MRPL20: variants seen among roughly 807,000 people sequenced by gnomAD.
The protein encoded by MRPL20 is mitochondrial ribosomal protein L20.
MRPL20 carries 21 observed loss-of-function variants against 20.0 expected under a neutral mutation model. That is an observed-to-expected ratio of 1.05 (90% CI 0.74 to 1.51). The LOEUF is 1.51. Among genes scored for constraint, MRPL20 ranks in the 40% most tolerant of loss-of-function variants. The pLI, the probability that MRPL20 is intolerant of heterozygous loss-of-function variation, is 0.00. For synonymous variants in MRPL20, 104 were observed against 73.0 expected (o/e 1.43, Z -2.17); for missense variants, 252 against 185.6 (o/e 1.36, Z -2.08).
chr1:1,405,751 G>A lies in MRPL20; in HGVS notation c.276+58C>T, dbSNP rs532307882. On this transcript the variant is annotated intron_variant, in intron 3 of 3. Coordinates refer to ENST00000344843, the MANE Select transcript of MRPL20 (RefSeq NM_017971.4). ...ACTACAGGAAGCACCACCACGCCCC[G>A]CATGATGGTTTCTGCAGATGTCCAG... The A allele has an allele frequency of 3.7e-5, 60 of 1,613,934 alleles. 1 individual carries two copies. The highest frequency in any genetic ancestry group is 2.8e-4 in the African/African-American group (21 of 75,010).
rs2275915 is a variant in MRPL20 at position 1,407,232 on chromosome 1, G to A, written c.-15C>T. 6.3e-6 allele frequency: 10 copies of A among 1,582,716 alleles called. No individual in the cohort carries two copies. Among genetic ancestry groups the A allele is most frequent in the Non-Finnish European group, 8.6e-6 (10 of 1,164,378 alleles). On this transcript the variant is annotated 5_prime_UTR_variant, in exon 1 of 4. Transcript: ENST00000344843. ...AGGAAGACCATGGCGCCTGCAGGCC[G>A]GCGTCCCGAACACTCAACAACGCAC...
At chr1:1,405,605 G>T in intron 3 of MRPL20, 1 of 908,726 alleles carries the variant, frequency 1.1e-6, no homozygotes, top group Non-Finnish European at 1.7e-6. Flanking sequence ...GTGGTCCCTT[G>T]CTCCCAAGAG....
At chr1:1,406,794 G>A in intron 2 of MRPL20, 115 bp downstream of exon 2, 1 of 877,236 alleles carries the variant, frequency 1.1e-6, no homozygotes, top group Non-Finnish European at 1.9e-6. Context: ...TCGAAGCAAG[G>A]TATGAAAGGA....
rs756731435 is a variant in MRPL20 at position 1,405,745 on chromosome 1, C to A, written c.276+64G>T. The A allele has an allele frequency of 6.8e-6, 11 of 1,613,602 alleles. No homozygotes were observed. The African/African-American group carries it at 1.2e-4, about 18-fold the overall frequency. On this transcript the variant is annotated intron_variant, in intron 3 of 3. Transcript: ENST00000344843. ...GCTGGGACTACAGGAAGCACCACCA[C>A]GCCCCGCATGATGGTTTCTGCAGAT...
Position 1,405,833 on chromosome 1 carries a change from T to A in MRPL20, c.252A>T (p.Pro84=). Residue 84 remains proline, a synonymous_variant, in exon 3 of 4, where the codon CCA becomes CCT. Transcript: ENST00000344843. The stretch of plus-strand genomic sequence containing the variant: ...CCTTAACTAAATTCCCAATGAGCGC[T>A]GGATACTTCAGTCCATGTTCCTGGC... The part of the protein sequence containing the change: ...AASQEHGLKY[P]ALIGNLVKCQ... 1.2e-6 allele frequency: 2 copies of A among 1,614,078 alleles called. No individual in the cohort carries two copies. Among genetic ancestry groups the A allele is most frequent in the South Asian group, 2.2e-5 (2 of 91,082 alleles).
intron 3 of MRPL20, among the ~76,000 whole-genome samples, chr1:1,403,500 A>C (rs748813070): frequency 6.6e-6 from 1 of 151,792 alleles, no homozygotes; most frequent in African/African-American, 2.4e-5. Context: ...CCTCAGCCTC[A>C]CAAAGTGCTG....
intron 3 of MRPL20, chr1:1,404,974 G>A (rs989992298): frequency 2.0e-5 from 3 of 152,410 alleles, no homozygotes; most frequent in African/African-American, 7.3e-5. Flanking sequence ...GGCTGCGCCA[G>A]GTCTGATGGG....
chr1:1,403,294 A>G (rs927328246), intron 3 of MRPL20, among the ~76,000 whole-genome samples: 1 of 151,492 alleles, frequency 6.6e-6, no homozygotes, highest in Admixed American at 6.6e-5. Flanking sequence ...CCCAAGCTGG[A>G]GTGCAGTGGT....
In MRPL20 at chr1:1,405,821, C is replaced by T. The variant is rs1645378510; in HGVS notation, c.264G>A (p.Gly88=). 1.2e-6 allele frequency: 2 copies of T among 1,614,112 alleles called. No individual in the cohort carries two copies. Among genetic ancestry groups the T allele is most frequent in the Admixed American group, 1.7e-5 (1 of 60,022 alleles). ...TACTCACCCATACCTTAACTAAATT[C>T]CCAATGAGCGCTGGATACTTCAGTC... The part of the protein sequence containing the change: ...EHGLKYPALI[G]NLVKCQVELN... The change falls in exon 3 of 4, where the codon GGG becomes GGA. Residue 88 remains glycine, a synonymous_variant. Transcript: ENST00000344843.
chr1:1,406,687 G>C (rs1180395066), intron 2 of MRPL20: 1 of 574,334 alleles, frequency 1.7e-6, no homozygotes, highest in African/African-American at 1.9e-5. Flanking sequence ...TGGCCCGGGC[G>C]AGGGGCTGGA....
intron 3 of MRPL20, among the ~76,000 whole-genome samples, chr1:1,404,157 C>CA (rs1248989173): frequency 6.9e-6 from 1 of 145,536 alleles, no homozygotes. Flanking sequence ...ATTGTTTTAA[C>CA]TTTTTTTTTT....
chr1:1,404,373 C>T (rs1011449687), intron 3 of MRPL20, among the ~76,000 whole-genome samples: 5 of 151,966 alleles, frequency 3.3e-5, no homozygotes, highest in African/African-American at 9.7e-5. Flanking sequence ...CCAGGATGGT[C>T]TCGATCTCCT....
At chr1:1,402,546 C>G (rs1463141201) in intron 3 of MRPL20, 1 of 1,157,050 alleles carries the variant, frequency 8.6e-7, no homozygotes, top group African/African-American at 1.6e-5. Flanking sequence ...TTGGTCACCA[C>G]CCTGACTGAG....
chr1:1,402,486 A>C, intron 3 of MRPL20: 1 of 1,282,478 alleles, frequency 7.8e-7, no homozygotes, highest in South Asian at 2.4e-5. Context: ...GGGAGGCTGG[A>C]CTCCAGTCCT....
chr1:1,406,926 T>C lies in MRPL20; in HGVS notation c.181A>G (p.Lys61Glu). The change falls in exon 2 of 4, where the codon AAA becomes GAA. Residue 61 changes from lysine (K) to glutamate (E), a missense_variant. Physicochemically the swap from Lys to Glu is moderately conservative, Grantham distance 56. Coordinates refer to ENST00000344843, the MANE Select transcript of MRPL20 (RefSeq NM_017971.4). ...ACGCTTACGGTCCTCATGTTCTTTT[T>C]CTTCAGGTATCGGGCTTTGGTGCAT... ...VKCTKARYLK[K>E]KNMRTLWINR... 2 of 1,613,480 alleles carry C rather than the reference T, an allele frequency of 1.2e-6. No individual in the cohort carries two copies. Among genetic ancestry groups the C allele is most frequent in the Non-Finnish European group, 1.7e-6 (2 of 1,179,478 alleles).
At chr1:1,404,872 C>A (rs1645368432) in intron 3 of MRPL20, among the ~76,000 whole-genome samples, 1 of 152,174 alleles carries the variant, frequency 6.6e-6, no homozygotes, top group Non-Finnish European at 1.5e-5. Context: ...GCGGTAAGCT[C>A]CCAGACCTGC....
Position 1,407,256 on chromosome 1 carries a change from A to G in MRPL20, c.-39T>C. 6.6e-7 allele frequency: 1 copy of G among 1,521,126 alleles called. No homozygotes were observed. The allele number at this position is 1,521,126 out of a possible 1,614,324, so 94.2% of individuals were successfully genotyped here. A position where few individuals can be genotyped will look rare whatever the true frequency, so the allele number is the denominator to read the frequency against. On this transcript the variant is annotated 5_prime_UTR_variant, in exon 1 of 4. Transcript: ENST00000344843. ...CGGCGTCCCGAACACTCAACAACGCACGCGCAGCGCCGCTGCCATCTTGCC... is the reference window on the plus strand; with the variant it reads ...CGGCGTCCCGAACACTCAACAACGCGCGCGCAGCGCCGCTGCCATCTTGCC...
chr1:1,406,722 G>A (rs1208276473), intron 2 of MRPL20, 187 bp downstream of exon 2: 6 of 618,520 alleles, frequency 9.7e-6, no homozygotes, highest in Admixed American at 4.9e-5. Context: ...TGGGGGTGGC[G>A]GCGGGGCGGG....
chr1:1,405,059 G>C (rs951762737), intron 3 of MRPL20: 1 of 152,824 alleles, frequency 6.5e-6, no homozygotes, highest in African/African-American at 2.4e-5. Context: ...GCATGATCTC[G>C]GCTCACTGCA....
Sources: gnomAD v4.1 joint callset for allele counts (sites outside exome capture counted in the v4.1 genomes callset) on GRCh38, gnomAD v4.1.1 for gene constraint, MANE v1.5 for transcripts, NCBI Gene and HGNC (gene_info 2026-07-23, HGNC 2026-07-21) for gene names.